Variants in KCTD1 observed in about 807,000 individuals in gnomAD.
KCTD1 encodes the protein potassium channel tetramerization domain containing 1, also known as BTB/POZ domain-containing protein KCTD1.
A neutral mutation model predicts 66.0 loss-of-function variants in KCTD1; 24 were observed. The ratio of observed to expected loss-of-function variants is 0.36; its 90% CI spans 0.26 to 0.51. The LOEUF is 0.51. Ranked by LOEUF, KCTD1 falls within the 20% of genes least tolerant of loss-of-function variation. The pLI is 0.95. For missense variants in KCTD1, 943 were observed against 1,205.2 expected (o/e 0.78, Z 3.22); for synonymous variants, 511 against 517.2 (o/e 0.99, Z 0.16).
At chr18:26,534,726 T>G (rs1984605959) in intron 1 of KCTD1, among the ~76,000 whole-genome samples, 1 of 152,172 alleles carries the variant, frequency 6.6e-6, no homozygotes, top group African/African-American at 2.4e-5. Flanking sequence ...CTAAGATCAT[T>G]CAGGTCAATG....
At chr18:26,458,119 C>G (rs1980197377) in intron 4 of KCTD1, 1 of 152,278 alleles carries the variant, frequency 6.6e-6, no homozygotes, top group South Asian at 2.1e-4. Flanking sequence ...CACCACACAC[C>G]TCCAGGGGAC....
intron 1 of KCTD1, among the ~76,000 whole-genome samples, chr18:26,541,144 T>C (rs756093738): frequency 6.6e-6 from 1 of 152,134 alleles, no homozygotes; most frequent in Non-Finnish European, 1.5e-5. Flanking sequence ...AATGAACTCA[T>C]CACTAGAGGC....
intron 1 of KCTD1, among the ~76,000 whole-genome samples, chr18:26,656,721 G>A (rs1346682524): frequency 6.6e-6 from 1 of 151,364 alleles, no homozygotes; most frequent in Admixed American, 6.6e-5. Context: ...GGGCGGCGGG[G>A]CCCCTACCCC....
At chr18:26,580,316 A>T (rs1405231349) in intron 1 of KCTD1, among the ~76,000 whole-genome samples, 1 of 152,086 alleles carries the variant, frequency 6.6e-6, no homozygotes, top group African/African-American at 2.4e-5. Flanking sequence ...TAATAGGTGG[A>T]CTGTGCAGTG....
At chr18:26,561,896 G>A (rs950631474) in intron 1 of KCTD1, among the ~76,000 whole-genome samples, 3 of 152,142 alleles carry the variant, frequency 2.0e-5, no homozygotes, top group African/African-American at 7.2e-5. Flanking sequence ...TGAGGGCCTG[G>A]GGCTGCTCTG....
intron 1 of KCTD1, among the ~76,000 whole-genome samples, chr18:26,656,374 C>G (rs1017667839): frequency 1.3e-5 from 2 of 152,204 alleles, no homozygotes; most frequent in Non-Finnish European, 2.9e-5. Context: ...ATGTGCTGTG[C>G]CCTTTATCCG....
intron 1 of KCTD1, among the ~76,000 whole-genome samples, chr18:26,524,640 T>C (rs1430410157): frequency 6.6e-6 from 1 of 152,154 alleles, no homozygotes; most frequent in African/African-American, 2.4e-5. Flanking sequence ...GCTCTACCTT[T>C]CAAAACCCAT....
chr18:26,474,845 G>T (rs1981256427), intron 3 of KCTD1, among the ~76,000 whole-genome samples: 1 of 152,060 alleles, frequency 6.6e-6, no homozygotes, highest in Non-Finnish European at 1.5e-5. Flanking sequence ...TATACTTTTA[G>T]AAATTTCTTT....
At chr18:26,612,957 G>T (rs1446257839) in intron 1 of KCTD1, among the ~76,000 whole-genome samples, 1 of 152,160 alleles carries the variant, frequency 6.6e-6, no homozygotes, top group Non-Finnish European at 1.5e-5. Context: ...GGAAGCAGAA[G>T]TCCTCACTCA....
At chr18:26,657,186 G>T (rs1163198254) in intron 1 of KCTD1, among the ~76,000 whole-genome samples, 1 of 151,930 alleles carries the variant, frequency 6.6e-6, no homozygotes, top group East Asian at 2.0e-4. Context: ...GGCGGCCCCT[G>T]CCCCGCCGCG....
chr18:26,486,856 C>G (rs1981945644), intron 2 of KCTD1, among the ~76,000 whole-genome samples: 1 of 152,142 alleles, frequency 6.6e-6, no homozygotes, highest in Admixed American at 6.5e-5. Flanking sequence ...ACAATTTTTC[C>G]CACTTGCAAT....
chr18:26,599,023 CT>C (rs1419087399), intron 1 of KCTD1, among the ~76,000 whole-genome samples: 1 of 151,940 alleles, frequency 6.6e-6, no homozygotes, highest in Non-Finnish European at 1.5e-5. Context: ...TCTATTTTTT[CT>C]TTTGTTACTT....
At chr18:26,494,803 A>G (rs1982384376) in intron 2 of KCTD1, among the ~76,000 whole-genome samples, 1 of 152,122 alleles carries the variant, frequency 6.6e-6, no homozygotes, top group African/African-American at 2.4e-5. Context: ...TCCATAAACT[A>G]ACTTTTTTTT....
chr18:26,617,879 GGGAA>G (rs1987291524), intron 1 of KCTD1, among the ~76,000 whole-genome samples: 1 of 123,202 alleles, frequency 8.1e-6, no homozygotes, highest in Non-Finnish European at 1.8e-5. Context: ...GAGGGAGGGA[GGGAA>G]GGAGGGCAGG....
In KCTD1 at chr18:26,480,040, A is replaced by ATT. The variant is rs199551482; in HGVS notation, c.1989-3383_1989-3382dup. Among the ~76,000 whole-genome samples, 359 of 139,798 alleles carry ATT rather than the reference A, an allele frequency of 2.6e-3. 4 individuals are homozygous for ATT. The highest frequency in any genetic ancestry group is 8.6e-3 in the African/African-American group (313 of 36,550). 91.7% of individuals were successfully genotyped at this position (139,798 alleles called of 152,430 possible). The stretch of plus-strand genomic sequence containing the variant: ...CAGACGATGTATGGCTGGTTTTGGA[A>ATT]TTTTTTTTTTTTTTTTTTTTTCACT... On this transcript the variant is annotated intron_variant, in intron 2 of 4. Transcript: ENST00000580059.
At chr18:26,597,532 T>C (rs577394804) in intron 1 of KCTD1, among the ~76,000 whole-genome samples, 2 of 152,294 alleles carry the variant, frequency 1.3e-5, no homozygotes, top group East Asian at 3.9e-4. Flanking sequence ...AATGGGTATT[T>C]TTTGTAAACA....
intron 3 of KCTD1, among the ~76,000 whole-genome samples, chr18:26,467,330 G>T (rs1259384927): frequency 6.6e-6 from 1 of 151,990 alleles, no homozygotes; most frequent in Non-Finnish European, 1.5e-5. Flanking sequence ...TCAACCTGTG[G>T]CGGCTCAGTG....
chr18:26,620,999 A>AT (rs1269874938), intron 1 of KCTD1, among the ~76,000 whole-genome samples: 5 of 151,572 alleles, frequency 3.3e-5, no homozygotes, highest in African/African-American at 7.3e-5. Context: ...CGCCCGGCTA[A>AT]TTTTTTTGTA....
At chr18:26,600,091 G>A (rs986527719) in intron 1 of KCTD1, 83 of 1,610,788 alleles carry the variant, frequency 5.2e-5, no homozygotes, top group Non-Finnish European at 6.4e-5. Flanking sequence ...GCCAGATCCG[G>A]CTTCCCTGCA....
Sources: gnomAD v4.1 joint callset for allele counts (sites outside exome capture counted in the v4.1 genomes callset) on GRCh38, gnomAD v4.1.1 for gene constraint, MANE v1.5 for transcripts, NCBI Gene and HGNC (gene_info 2026-07-23, HGNC 2026-07-21) for gene names.